The following PRKN variants were observed in gnomAD, a reference collection of about 807,000 sequenced individuals.
PRKN encodes parkin RBR E3 ubiquitin protein ligase, also known as E3 ubiquitin-protein ligase parkin.
PRKN carries 56 observed loss-of-function variants against 59.5 expected under a neutral mutation model. The ratio of observed to expected loss-of-function variants is 0.94; its 90% CI spans 0.76 to 1.18. The LOEUF is 1.18. Among genes scored for constraint, PRKN ranks in the 50% most tolerant of loss-of-function variants. The pLI is 0.00. For missense variants in PRKN, 657 were observed against 596.4 expected, an observed-to-expected ratio of 1.10 and a Z score of -1.06; for synonymous variants, 250 against 222.1, an observed-to-expected ratio of 1.13 and a Z score of -1.12.
chr6:161,395,227 A>G lies in PRKN; in HGVS notation c.1084-8350T>C, dbSNP rs114653098. 0.013 allele frequency among the ~76,000 whole-genome samples: 1,964 copies of G among 152,256 alleles called. 36 individuals carry two copies. Among genetic ancestry groups the G allele is most frequent in the African/African-American group, 0.045 (1,867 of 41,504 alleles). On this transcript the variant is annotated intron_variant, in intron 9 of 11. Transcript: ENST00000366898. The surrounding 1 kb of genome is among the most constrained non-coding windows in gnomAD (Gnocchi z 5.0). ...ACAAAAATACCCTATAAAACATTGT[A>G]TAATGTGCTGTACTCTGCTTGTTGG...
At chr6:162,227,857 G>T (rs1238419673) in intron 3 of PRKN, among the ~76,000 whole-genome samples, 1 of 151,572 alleles carries the variant, frequency 6.6e-6, no homozygotes, top group Non-Finnish European at 1.5e-5. Flanking sequence ...CTAAGGTTGT[G>T]TTCCTCTATT....
intron 7 of PRKN, among the ~76,000 whole-genome samples, chr6:161,605,247 A>C (rs1203146026): frequency 1.3e-5 from 2 of 152,146 alleles, no homozygotes; most frequent in Non-Finnish European, 2.9e-5. Flanking sequence ...AAATGCATTA[A>C]AATATAACAG....
intron 4 of PRKN, among the ~76,000 whole-genome samples, chr6:162,184,527 C>T (rs1480636717): frequency 3.9e-5 from 6 of 152,100 alleles, no homozygotes; most frequent in East Asian, 1.9e-4. Context: ...TCCCTTCGTG[C>T]GGTTCTCATT....
chr6:162,267,653 C>T (rs1052335584), intron 2 of PRKN, among the ~76,000 whole-genome samples: 3 of 152,104 alleles, frequency 2.0e-5, no homozygotes, highest in Admixed American at 1.3e-4. Flanking sequence ...TCAGTGTAGA[C>T]AAACCAAGTA....
chr6:161,924,944 C>T (rs560774543), intron 6 of PRKN, among the ~76,000 whole-genome samples: 21 of 152,130 alleles, frequency 1.4e-4, no homozygotes, highest in Non-Finnish European at 2.4e-4. Context: ...CACGGCTGCC[C>T]GTGGGGAGGC....
chr6:161,609,840 G>T (rs1782423172), intron 7 of PRKN, among the ~76,000 whole-genome samples: 1 of 152,198 alleles, frequency 6.6e-6, no homozygotes, highest in Admixed American at 6.5e-5. Context: ...CAGTCACCAA[G>T]AACCTGCTGT....
chr6:161,585,638 T>A (rs1222403297), intron 7 of PRKN, among the ~76,000 whole-genome samples: 1 of 152,240 alleles, frequency 6.6e-6, no homozygotes, highest in East Asian at 1.9e-4. Context: ...GGAGTGGATG[T>A]ATGTAGACAT....
rs573897198 is a variant in PRKN, at chr6:162,125,900, G to A, written c.535-71726C>T. Among the ~76,000 whole-genome samples, 7 of 152,214 alleles carry A rather than the reference G, an allele frequency of 4.6e-5. No homozygotes were observed. The East Asian group carries it at 1.2e-3, about 25-fold the overall frequency. On this transcript the variant is annotated intron_variant, in intron 4 of 11. Coordinates refer to ENST00000366898, the MANE Select transcript of PRKN (RefSeq NM_004562.3). ...GAGGGTGAATTGCTGTATTTAAAAC[G>A]GGTAGAGAACTGTCAGAGATATTAC...
chr6:162,394,339 G>A (rs1316152251), intron 2 of PRKN, among the ~76,000 whole-genome samples: 1 of 152,054 alleles, frequency 6.6e-6, no homozygotes, highest in Non-Finnish European at 1.5e-5. Context: ...GTACTTCCAC[G>A]AGCTTCGGGT....
At chr6:162,200,978 C>T (rs752927082) in intron 4 of PRKN, among the ~76,000 whole-genome samples, 153 bp downstream of exon 4, 32 of 152,190 alleles carry the variant, frequency 2.1e-4, no homozygotes, top group Non-Finnish European at 2.6e-4. Flanking sequence ...GGCGCATAAA[C>T]GAAACTTCGG....
chr6:162,340,156 A>AAT (rs1318095218), intron 2 of PRKN, among the ~76,000 whole-genome samples: 1 of 151,618 alleles, frequency 6.6e-6, no homozygotes. Flanking sequence ...TTAAAAAAAA[A>AAT]AAAAGTAGTC....
chr6:161,848,609 G>T (rs1357739202), intron 6 of PRKN, among the ~76,000 whole-genome samples: 1 of 152,136 alleles, frequency 6.6e-6, no homozygotes, highest in South Asian at 2.1e-4. Context: ...CATCTAATGC[G>T]TGAGAAAAAA....
At chr6:161,793,837 A>G (rs1337189149) in intron 6 of PRKN, among the ~76,000 whole-genome samples, 1 of 152,230 alleles carries the variant, frequency 6.6e-6, no homozygotes, top group African/African-American at 2.4e-5. Flanking sequence ...TAAATATGTT[A>G]CAAAGGATTA....
At position 161,386,077 on chromosome 6, in the gene PRKN, T is replaced by C. The variant is rs1383453973; in HGVS notation, c.1167+717A>G. Among the ~76,000 whole-genome samples the C allele has an allele frequency of 6.6e-6, 1 of 152,238 alleles. No individual in the cohort carries two copies. The highest frequency in any genetic ancestry group is 1.5e-5 in the Non-Finnish European group (1 of 68,044). Reference sequence around the variant, plus strand: ...TCTATGTCTGTTTACTAGGTTCCTATCAGTACAATGACTAAAGGATTTATT... The same window carrying C: ...TCTATGTCTGTTTACTAGGTTCCTACCAGTACAATGACTAAAGGATTTATT... On this transcript the variant is annotated intron_variant, in intron 10 of 11. Coordinates refer to ENST00000366898, the MANE Select transcript of PRKN (RefSeq NM_004562.3). This position sits in a 1 kb window ranked among gnomAD's most constrained non-coding sequence, Gnocchi z 4.3.
At chr6:161,403,368 CTTA>C (rs941839988) in intron 9 of PRKN, among the ~76,000 whole-genome samples, 3 of 152,168 alleles carry the variant, frequency 2.0e-5, no homozygotes, top group African/African-American at 7.2e-5. Flanking sequence ...GATCTAACTC[CTTA>C]TTCTTTGAAA....
intron 6 of PRKN, among the ~76,000 whole-genome samples, chr6:161,834,197 C>T (rs1039763637): frequency 2.6e-5 from 4 of 151,818 alleles, no homozygotes; most frequent in Admixed American, 6.6e-5. Flanking sequence ...ATCTAGGAGC[C>T]GAGAGGTTTG....
chr6:161,856,441 G>T (rs184830577), intron 6 of PRKN, among the ~76,000 whole-genome samples: 1 of 151,934 alleles, frequency 6.6e-6, no homozygotes, highest in African/African-American at 2.4e-5. Flanking sequence ...AAAAAAAGGC[G>T]CTGATATATG....
chr6:161,657,666 C>T (rs1488480793), intron 7 of PRKN, among the ~76,000 whole-genome samples: 2 of 152,138 alleles, frequency 1.3e-5, no homozygotes, highest in East Asian at 1.9e-4. Context: ...TTTCTTGACA[C>T]AGCCTCACTC....
chr6:162,328,850 A>G (rs943371358), intron 2 of PRKN, among the ~76,000 whole-genome samples: 1 of 152,172 alleles, frequency 6.6e-6, no homozygotes, highest in Non-Finnish European at 1.5e-5. Context: ...TGGGCCAGAG[A>G]GCAGGGGGGT....
Sources: gnomAD v4.1 joint callset for allele counts (sites outside exome capture counted in the v4.1 genomes callset) on GRCh38, gnomAD v4.1.1 for gene constraint, Gnocchi (gnomAD v3.1) non-coding constraint, MANE v1.5 for transcripts, NCBI Gene and HGNC (gene_info 2026-07-23, HGNC 2026-07-21) for gene names.